Variants in PCDHA5 observed in about 807,000 individuals in gnomAD.
PCDHA5 encodes the protein protocadherin alpha-5.
PCDHA5 carries 43 observed loss-of-function variants against 61.6 expected under a neutral mutation model. That is an observed-to-expected ratio of 0.70 (90% CI 0.55 to 0.90). PCDHA5 has a LOEUF of 0.90. PCDHA5 is among the 40% of genes least tolerant of loss of function. The probability of loss-of-function intolerance (pLI) is 0.00; values close to 1 mark genes in which losing one functional copy is unlikely to be tolerated. For missense variants in PCDHA5, 1,298 were observed against 1,222.7 expected (o/e 1.06, Z -0.92); for synonymous variants, 627 against 543.9 (o/e 1.15, Z -2.13).
intron 1 of PCDHA5, among the ~76,000 whole-genome samples, chr5:140,951,398 A>T (rs1428015395): frequency 6.6e-6 from 1 of 152,100 alleles, no homozygotes; most frequent in Non-Finnish European, 1.5e-5. Flanking sequence ...TTATAAAGAA[A>T]AGAGGTTTAA....
chr5:140,831,254 T>C (rs1298063244), intron 1 of PCDHA5: 1 of 152,260 alleles, frequency 6.6e-6, no homozygotes, highest in Non-Finnish European at 1.5e-5. Context: ...CTCTTATTTC[T>C]GTTTGAATTT....
At chr5:140,828,006 A>G in intron 1 of PCDHA5, 1 of 1,503,668 alleles carries the variant, frequency 6.7e-7, no homozygotes, top group Non-Finnish European at 8.9e-7. Flanking sequence ...GACGCAGAAG[A>G]AATGGATTAA....
rs150822529 is a variant in PCDHA5 at position 140,836,094 on chromosome 5, G to A, written c.2352+11967G>A. 2.0e-4 allele frequency: 328 copies of A among 1,613,708 alleles called. No individual in the cohort carries two copies. Among genetic ancestry groups the A allele is most frequent in the Admixed American group, 3.7e-4 (22 of 60,012 alleles). ...GCCGGCACTGCTGGCGCCTCGGGTG[G>A]GTGGCACTGGTGGCGCAGTGAGAGA... On this transcript the variant is annotated intron_variant, in intron 1 of 3. Transcript: ENST00000529859.
chr5:140,889,923 C>T (rs1225073810), intron 1 of PCDHA5, among the ~76,000 whole-genome samples: 1 of 152,184 alleles, frequency 6.6e-6, no homozygotes, highest in African/African-American at 2.4e-5. Flanking sequence ...TGTAAAGAAG[C>T]TCAAGCTGGA....
intron 1 of PCDHA5, among the ~76,000 whole-genome samples, chr5:140,939,846 T>G (rs2092473465): frequency 6.6e-6 from 1 of 152,222 alleles, no homozygotes; most frequent in Non-Finnish European, 1.5e-5. Flanking sequence ...GTTGTTGTGT[T>G]CTGTATATGT....
chr5:140,985,139 G>A (rs782548607), intron 3 of PCDHA5, among the ~76,000 whole-genome samples: 6 of 152,126 alleles, frequency 3.9e-5, no homozygotes, highest in South Asian at 2.1e-4. Flanking sequence ...GGGTTTCACC[G>A]TGTTAGCCAG....
chr5:140,846,187 T>C (rs1336642667), intron 1 of PCDHA5, among the ~76,000 whole-genome samples: 1 of 149,366 alleles, frequency 6.7e-6, no homozygotes, highest in Non-Finnish European at 1.5e-5. Flanking sequence ...GGCGTTTGAG[T>C]TCTTTGTATG....
rs2150362585 is a variant in PCDHA5 at position 140,843,552 on chromosome 5, C to A, written c.2352+19425C>A. 3 of 1,595,800 alleles carry A rather than the reference C, an allele frequency of 1.9e-6. 1 individual carries two copies. The highest frequency in any genetic ancestry group is 4.5e-5 in the East Asian group (2 of 44,828). On this transcript the variant is annotated intron_variant, in intron 1 of 3. Coordinates refer to ENST00000529859, the MANE Select transcript of PCDHA5 (RefSeq NM_018908.3). ...AAGCCCACTCTGGTGTGCTCCAGTGCGGTGGGGAGCTGGTCATACTCGCAA... is the reference window on the plus strand; with the variant it reads ...AAGCCCACTCTGGTGTGCTCCAGTGAGGTGGGGAGCTGGTCATACTCGCAA...
chr5:140,825,061 G>T (rs1768438127), intron 1 of PCDHA5: 1 of 151,790 alleles, frequency 6.6e-6, no homozygotes, highest in Admixed American at 6.6e-5. Flanking sequence ...CCTTCATGAA[G>T]CCAAAACATT....
chr5:140,884,409 C>A (rs373513056), intron 1 of PCDHA5: 1 of 1,613,992 alleles, frequency 6.2e-7, no homozygotes, highest in Non-Finnish European at 8.5e-7. Context: ...TTGGTGCTCA[C>A]GTTGCTGCTG....
rs2150471496 is a variant in PCDHA5 at position 140,850,180 on chromosome 5, C to T, written c.2352+26053C>T. On this transcript the variant is annotated intron_variant, in intron 1 of 3. Coordinates refer to ENST00000529859, the MANE Select transcript of PCDHA5 (RefSeq NM_018908.3). ...TTCGTGCTGGACGAGAACGACAATG[C>T]GCCGGCGCTGCTGACACCTCGGATG... 73 of 1,593,798 alleles carry T rather than the reference C, an allele frequency of 4.6e-5. 10 individuals carry two copies. The Middle Eastern group carries it at 1.0e-3, about 23-fold the overall frequency.
intron 1 of PCDHA5, chr5:140,830,799 G>A (rs1297330386): frequency 6.3e-6 from 1 of 158,848 alleles, no homozygotes; most frequent in African/African-American, 2.4e-5. Flanking sequence ...AATTATATGG[G>A]ATTTTCATTT....
chr5:140,869,450 T>C, intron 1 of PCDHA5: 1 of 1,614,098 alleles, frequency 6.2e-7, no homozygotes, highest in Non-Finnish European at 8.5e-7. Flanking sequence ...CCGCTGCAGG[T>C]TTTCCATGTG....
intron 1 of PCDHA5, among the ~76,000 whole-genome samples, chr5:140,914,309 C>A (rs1461023041): frequency 1.3e-5 from 2 of 152,082 alleles, no homozygotes; most frequent in Non-Finnish European, 2.9e-5. Flanking sequence ...TGAATTGACC[C>A]CATTATCATT....
At chr5:140,927,243 C>A in intron 1 of PCDHA5, 1 of 1,614,132 alleles carries the variant, frequency 6.2e-7, no homozygotes. Flanking sequence ...TCCTGGACAC[C>A]AATGACAACT....
At chr5:140,828,490 C>G in intron 1 of PCDHA5, 2 of 1,614,172 alleles carry the variant, frequency 1.2e-6, no homozygotes, top group Non-Finnish European at 1.7e-6. Context: ...CGCCCTTGTT[C>G]CCGGTAGAGG....
chr5:140,843,511 C>G (rs1554140155), intron 1 of PCDHA5: 1 of 1,595,670 alleles, frequency 6.3e-7, no homozygotes, highest in Non-Finnish European at 8.6e-7. Context: ...CCACTGAGGG[C>G]GGGTGCCGGG....
chr5:140,982,154 G>A (rs1304368371), intron 2 of PCDHA5, among the ~76,000 whole-genome samples: 3 of 152,210 alleles, frequency 2.0e-5, no homozygotes, highest in East Asian at 1.9e-4. Flanking sequence ...CTTCAGTATC[G>A]AGATGTTAAA....
chr5:140,847,561 C>T (rs2150401906), intron 1 of PCDHA5: 1 of 148,992 alleles, frequency 6.7e-6, no homozygotes, highest in Non-Finnish European at 1.5e-5. Flanking sequence ...CAGAAATTGC[C>T]CCGAGTACTA....
Sources: gnomAD v4.1 joint callset for allele counts (sites outside exome capture counted in the v4.1 genomes callset) on GRCh38, gnomAD v4.1.1 for gene constraint, MANE v1.5 for transcripts, NCBI Gene and HGNC (gene_info 2026-07-23, HGNC 2026-07-21) for gene names.